RBM5: variants seen among roughly 807,000 people sequenced by gnomAD.
RBM5 encodes RNA-binding protein 5.
In RBM5, 15 loss-of-function variants were observed where a neutral mutation model predicts 124.6. The observed-to-expected ratio is 0.12, with a 90% CI of 0.08 to 0.19. RBM5 has a LOEUF of 0.19. Ranked by LOEUF, RBM5 falls within the 10% of genes least tolerant of loss-of-function variation. The pLI, the probability that RBM5 is intolerant of heterozygous loss-of-function variation, is 1.00. For missense variants in RBM5, 580 were observed against 1,026.5 expected (o/e 0.57, Z 5.94); for synonymous variants, 337 against 361.2 (o/e 0.93, Z 0.76).
intron 3 of RBM5, among the ~76,000 whole-genome samples, chr3:50,093,215 G>A (rs866246931): frequency 3.6e-4 from 55 of 151,510 alleles, no homozygotes; most frequent in Middle Eastern, 3.4e-3. Flanking sequence ...CGAGGCGGGC[G>A]GATCATGAGG....
chr3:50,099,334 T>C (rs972531766), intron 4 of RBM5, among the ~76,000 whole-genome samples: 1 of 152,126 alleles, frequency 6.6e-6, no homozygotes, highest in Non-Finnish European at 1.5e-5. Context: ...AGTGCTGTTA[T>C]AATGCATTAA....
Position 50,113,955 on chromosome 3 carries a change from C to A in RBM5, c.1623C>A (p.Ala541=). ...TGTTTGTTGTTTGACATTAGATTGCCAAAGACATGGAACGCTGGGCTAAGA... is the reference window on the plus strand; with the variant it reads ...TGTTTGTTGTTTGACATTAGATTGCAAAAGACATGGAACGCTGGGCTAAGA... The part of the protein sequence containing the change: ...KPKSKTAQQI[A]KDMERWAKSL... Residue 541 remains alanine, a synonymous_variant, in exon 19 of 25, where the codon GCC becomes GCA. Coordinates refer to ENST00000347869, the MANE Select transcript of RBM5 (RefSeq NM_005778.4). 2 of 1,610,640 alleles carry A rather than the reference C, an allele frequency of 1.2e-6. No individual in the cohort carries two copies. Among genetic ancestry groups the A allele is most frequent in the South Asian group, 1.1e-5 (1 of 90,296 alleles).
At chr3:50,102,564 T>A (rs1287628080) in intron 6 of RBM5, 4 of 152,672 alleles carry the variant, frequency 2.6e-5, no homozygotes, top group Non-Finnish European at 5.8e-5. Flanking sequence ...AAAAATGAGT[T>A]CCCCTCCCTT....
At chr3:50,104,862 G>A in intron 8 of RBM5, 2 of 476,384 alleles carry the variant, frequency 4.2e-6, no homozygotes, top group Non-Finnish European at 7.6e-6. Context: ...CCTTTCTTTA[G>A]TGCAGGGTAG....
rs536335860 is a variant in RBM5 at position 50,105,482 on chromosome 3, C to T, written c.695-67C>T. ...TGGATTTGTATGTACTTGACCCTATCTTGGAAAACTTTGGTACATTGGTGG... is the reference window on the plus strand; with the variant it reads ...TGGATTTGTATGTACTTGACCCTATTTTGGAAAACTTTGGTACATTGGTGG... On this transcript the variant is annotated intron_variant, in intron 9 of 24. Coordinates refer to ENST00000347869, the MANE Select transcript of RBM5 (RefSeq NM_005778.4). The T allele has an allele frequency of 1.3e-5, 20 of 1,515,324 alleles. No homozygotes were observed. In the African/African-American group the frequency reaches 2.5e-4, roughly 19 times the overall value. The allele number at this position is 1,515,324 out of a possible 1,614,324, so 93.9% of individuals were successfully genotyped here. A position where few individuals can be genotyped will look rare whatever the true frequency, so the allele number is the denominator to read the frequency against.
rs1575924538 is a variant in RBM5, at chr3:50,088,946, G to A, written c.-137G>A. 6.6e-6 allele frequency: 1 copy of A among 152,302 alleles called. No homozygotes were observed. Among genetic ancestry groups the A allele is most frequent in the Non-Finnish European group, 1.5e-5 (1 of 68,108 alleles). The allele number at this position is 152,302 out of a possible 1,614,324, so 9.4% of individuals were successfully genotyped here. ...TGTGGGTAGGAGACGGCCGTCGGCG[G>A]AGGCGCCATTTTGTGTAGCCGCCGA... On this transcript the variant is annotated 5_prime_UTR_variant, in exon 1 of 25. Transcript: ENST00000347869.
In RBM5 at chr3:50,115,920, C is replaced by T; in HGVS notation, c.2034C>T (p.Ile678=). 1 of 1,613,464 alleles carries T rather than the reference C, an allele frequency of 6.2e-7. No individual in the cohort carries two copies. The highest frequency in any genetic ancestry group is 8.5e-7 in the Non-Finnish European group (1 of 1,179,442). ...LSDLHKQNMD[I]YRRSRLSEQE... is the part of the protein sequence containing the mutation. ...CTTTTGTGTAGCAAAACATGGACAT[C>T]TATCGACGATCCAGGCTGAGCGAGC... is the stretch of plus-strand genomic sequence containing the variant. The change falls in exon 22 of 25, where the codon ATC becomes ATT. Residue 678 remains isoleucine (I), a synonymous_variant. Coordinates refer to ENST00000347869, the MANE Select transcript of RBM5 (RefSeq NM_005778.4).
intron 1 of RBM5, among the ~76,000 whole-genome samples, chr3:50,089,443 C>T (rs932802916): frequency 3.3e-5 from 5 of 152,194 alleles, no homozygotes; most frequent in African/African-American, 2.4e-5. Flanking sequence ...GGTTTGGAAC[C>T]TCTTGGGAGG....
chr3:50,115,917 C>A lies in RBM5; in HGVS notation c.2031C>A (p.Asp677Glu). The A allele has an allele frequency of 6.2e-7, 1 of 1,613,114 alleles. No homozygotes were observed. The highest frequency in any genetic ancestry group is 1.1e-5 in the South Asian group (1 of 91,050). ...QLSDLHKQNM[D>E]IYRRSRLSEQ... ...AATCTTTTGTGTAGCAAAACATGGA[C>A]ATCTATCGACGATCCAGGCTGAGCG... is the stretch of plus-strand genomic sequence containing the variant. The change falls in exon 22 of 25, where the codon GAC becomes GAA. Residue 677 changes from aspartate (D) to glutamate (E), a missense_variant. Around this residue, in one of 6 missense-constraint regions of RBM5, gnomAD observed 234 missense variants for 435.1 expected, o/e 0.54. Coordinates refer to ENST00000347869, the MANE Select transcript of RBM5 (RefSeq NM_005778.4).
chr3:50,104,094 C>T (rs556780954), intron 7 of RBM5, among the ~76,000 whole-genome samples, 154 bp from the exon 8 acceptor site: 11 of 152,278 alleles, frequency 7.2e-5, no homozygotes, highest in Admixed American at 2.6e-4. Flanking sequence ...GTGTTACATT[C>T]TGAATTTTTT....
intron 7 of RBM5, among the ~76,000 whole-genome samples, chr3:50,103,614 C>G (rs1175733557): frequency 1.3e-5 from 2 of 152,116 alleles, no homozygotes; most frequent in African/African-American, 2.4e-5. Flanking sequence ...CCACTGCACT[C>G]TAGCCTGGGT....
In RBM5 at chr3:50,107,535, C is replaced by T. The variant is rs780711389; in HGVS notation, c.1007C>T (p.Thr336Met). 3.7e-6 allele frequency: 6 copies of T among 1,610,990 alleles called. No individual in the cohort carries two copies. The highest frequency in any genetic ancestry group is 1.3e-5 in the African/African-American group (1 of 74,802). Residue 336 changes from threonine (T) to methionine (M), a missense_variant, in exon 12 of 25, where the codon ACG becomes ATG. Around this residue, in one of 6 missense-constraint regions of RBM5, gnomAD observed 42 missense variants for 101.1 expected, o/e 0.42. Transcript: ENST00000347869. ...GTCAGCGCTTTCTCTGTAGCTAGTA[C>T]GGCTATTGCTGCTGCTCAGTGGTCA... Reference protein sequence around the residue: ...NRVSAFSVASTAIAAAQWSST... With the variant: ...NRVSAFSVASMAIAAAQWSST...
At chr3:50,095,818 C>T (rs1175125594) in intron 4 of RBM5, among the ~76,000 whole-genome samples, 1 of 152,048 alleles carries the variant, frequency 6.6e-6, no homozygotes, top group Non-Finnish European at 1.5e-5. Context: ...CCCTTGAACA[C>T]AGTATGTTAC....
chr3:50,101,136 A>G (rs1378215181), intron 6 of RBM5: 2 of 112,332 alleles, frequency 1.8e-5, no homozygotes, highest in African/African-American at 6.3e-5. Flanking sequence ...GGTGTCCTGC[A>G]GCTGTCTAAT....
At position 50,110,453 on chromosome 3, in the gene RBM5, T is replaced by A. The variant is rs1313190489; in HGVS notation, c.1353T>A (p.Gly451=). ...PAASPTGVVP[G]TKYAVPDTST... ...CTTCCCCTACTGGTGTAGTTCCTGG[T>A]ACCAAATATGGTAAGCCAAACCTCA... Residue 451 remains glycine (G), a synonymous_variant, in exon 16 of 25, where the codon GGT becomes GGA. Transcript: ENST00000347869. 5.0e-6 allele frequency: 8 copies of A among 1,614,012 alleles called. No homozygotes were observed. The highest frequency in any genetic ancestry group is 6.8e-6 in the Non-Finnish European group (8 of 1,179,868).
chr3:50,109,955 G>A (rs1348148212), intron 15 of RBM5: 2 of 341,232 alleles, frequency 5.9e-6, no homozygotes, highest in African/African-American at 4.3e-5. Flanking sequence ...GCTCGCGCCT[G>A]TAATCCCAGC....
chr3:50,106,881 T>A lies in RBM5; in HGVS notation c.953+17T>A. 2 of 1,554,476 alleles carry A rather than the reference T, an allele frequency of 1.3e-6. No homozygotes were observed. Among genetic ancestry groups the A allele is most frequent in the South Asian group, 2.2e-5 (2 of 89,802 alleles). ...TGCCAGAAAGTGAGTGGCTTCATTG[T>A]CCTTATTTCAAACTACTGCATATGC... On this transcript the variant is annotated intron_variant, in intron 11 of 24. Coordinates refer to ENST00000347869, the MANE Select transcript of RBM5 (RefSeq NM_005778.4).
intron 22 of RBM5, chr3:50,116,818 T>C: frequency 8.7e-6 from 4 of 458,292 alleles, no homozygotes; most frequent in Non-Finnish European, 1.2e-5. Context: ...TGACAGAGGG[T>C]GGCTAATTAA....
chr3:50,118,267 G>A, intron 24 of RBM5, 64 bp from the exon 25 acceptor site: 3 of 1,600,028 alleles, frequency 1.9e-6, no homozygotes, highest in Admixed American at 1.7e-5. Flanking sequence ...TAAGGAGTGG[G>A]CATGGTGAGA....
Sources: allele counts gnomAD v4.1 joint callset (sites outside exome capture counted in the v4.1 genomes callset), GRCh38; gene constraint gnomAD v4.1.1; regional missense constraint gnomAD v4.1.1; transcripts MANE v1.5; gene names NCBI Gene and HGNC (gene_info 2026-07-23, HGNC 2026-07-21).